Variants in SEMA6D observed in about 807,000 individuals in gnomAD.
SEMA6D encodes the protein semaphorin 6D.
A neutral mutation model predicts 106.6 loss-of-function variants in SEMA6D; 35 were observed. The observed-to-expected ratio is 0.33, with a 90% CI of 0.25 to 0.44. SEMA6D has a LOEUF of 0.44. Ranked by LOEUF, SEMA6D falls within the 20% of genes least tolerant of loss-of-function variation. The pLI, the probability that SEMA6D is intolerant of heterozygous loss-of-function variation, is 1.00. For missense variants in SEMA6D, 1,185 were observed against 1,345.9 expected (o/e 0.88, Z 1.87); for synonymous variants, 499 against 487.7 (o/e 1.02, Z -0.31).
intron 1 of SEMA6D, among the ~76,000 whole-genome samples, chr15:47,312,889 A>G (rs1288849341): frequency 6.6e-6 from 1 of 152,192 alleles, no homozygotes; most frequent in African/African-American, 2.4e-5. Context: ...TCACATTTCA[A>G]GTACTCAGTT....
chr15:47,539,978 A>G (rs1821554094), intron 3 of SEMA6D, among the ~76,000 whole-genome samples: 1 of 152,140 alleles, frequency 6.6e-6, no homozygotes, highest in African/African-American at 2.4e-5. Flanking sequence ...TGCACTTTGA[A>G]GAGTCTGGAA....
chr15:47,613,693 T>A (rs923926455), intron 4 of SEMA6D, among the ~76,000 whole-genome samples: 2 of 152,078 alleles, frequency 1.3e-5, no homozygotes, highest in Non-Finnish European at 2.9e-5. Context: ...TCACCCAGGC[T>A]GGAGTGCTGG....
At chr15:47,671,863 G>T (rs534598768) in intron 4 of SEMA6D, among the ~76,000 whole-genome samples, 69 of 152,264 alleles carry the variant, frequency 4.5e-4, no homozygotes, top group African/African-American at 1.6e-3. Flanking sequence ...AGAATAGGAA[G>T]TAAGGACATT....
chr15:47,620,390 A>G (rs1374339565), intron 4 of SEMA6D, among the ~76,000 whole-genome samples: 4 of 152,224 alleles, frequency 2.6e-5, no homozygotes, highest in Non-Finnish European at 5.9e-5. Context: ...CTGCTTCAGC[A>G]TGTCAGCACT....
intron 1 of SEMA6D, among the ~76,000 whole-genome samples, chr15:47,353,867 CTT>C (rs2038429550): frequency 6.6e-6 from 1 of 152,000 alleles, no homozygotes; most frequent in Non-Finnish European, 1.5e-5. Flanking sequence ...CATGCAGAAT[CTT>C]TTCCTTTTTT....
intron 2 of SEMA6D, among the ~76,000 whole-genome samples, chr15:47,457,103 T>C (rs1596044265): frequency 1.3e-5 from 2 of 151,974 alleles, no homozygotes; most frequent in African/African-American, 4.8e-5. Context: ...GGCAATATAC[T>C]TGGAACTGTA....
intron 4 of SEMA6D, among the ~76,000 whole-genome samples, chr15:47,708,685 CCT>C (rs2078959996): frequency 6.6e-6 from 1 of 152,138 alleles, no homozygotes; most frequent in African/African-American, 2.4e-5. Flanking sequence ...GACCTAGTTC[CCT>C]CTCTCAGGGA....
intron 1 of SEMA6D, among the ~76,000 whole-genome samples, chr15:47,222,468 G>T (rs2141386645): frequency 6.6e-6 from 1 of 152,156 alleles, no homozygotes; most frequent in Non-Finnish European, 1.5e-5. Context: ...GGATAAAATT[G>T]TCTCCCAGTG....
At chr15:47,618,497 C>T (rs1462765565) in intron 4 of SEMA6D, among the ~76,000 whole-genome samples, 1 of 152,234 alleles carries the variant, frequency 6.6e-6, no homozygotes, top group Admixed American at 6.5e-5. Flanking sequence ...TTGCATTGTC[C>T]ACTGGACACT....
At chr15:47,426,581 A>G (rs1401699636) in intron 2 of SEMA6D, among the ~76,000 whole-genome samples, 1 of 152,146 alleles carries the variant, frequency 6.6e-6, no homozygotes, top group Non-Finnish European at 1.5e-5. Flanking sequence ...CTAGTTTAAA[A>G]GCACAGGAAT....
chr15:47,497,087 A>G (rs2043689846), intron 3 of SEMA6D, among the ~76,000 whole-genome samples: 1 of 151,868 alleles, frequency 6.6e-6, no homozygotes, highest in Non-Finnish European at 1.5e-5. Flanking sequence ...CAATCCTATA[A>G]TTTTCTGTGT....
At chr15:47,420,127 A>C (rs2140393759) in intron 2 of SEMA6D, among the ~76,000 whole-genome samples, 1 of 152,234 alleles carries the variant, frequency 6.6e-6, no homozygotes, top group Admixed American at 6.5e-5. Flanking sequence ...TACCCTCTTA[A>C]GTTGAGCCAA....
chr15:47,579,720 A>G (rs2076222976), intron 3 of SEMA6D, among the ~76,000 whole-genome samples: 1 of 152,178 alleles, frequency 6.6e-6, no homozygotes. Flanking sequence ...TAAGACCAAA[A>G]ATAATTATCC....
At chr15:47,594,965 C>T (rs1302143423) in intron 3 of SEMA6D, among the ~76,000 whole-genome samples, 1 of 151,984 alleles carries the variant, frequency 6.6e-6, no homozygotes, top group African/African-American at 2.4e-5. Flanking sequence ...GGCATGGAGG[C>T]TGAAGTGGTG....
intron 1 of SEMA6D, among the ~76,000 whole-genome samples, chr15:47,223,526 G>A (rs934891313): frequency 5.9e-5 from 9 of 151,894 alleles, no homozygotes; most frequent in African/African-American, 1.9e-4. Flanking sequence ...ATTGAAGTCA[G>A]CATTTTGAAC....
intron 4 of SEMA6D, chr15:47,603,537 T>A (rs1322474990): frequency 6.6e-6 from 1 of 152,152 alleles, no homozygotes; most frequent in Non-Finnish European, 1.5e-5. Context: ...CAAAGCTAGC[T>A]GAGTCCAAGT....
intron 4 of SEMA6D, among the ~76,000 whole-genome samples, chr15:47,643,943 A>G (rs181588356): frequency 6.7e-6 from 1 of 150,084 alleles, no homozygotes; most frequent in East Asian, 1.9e-4. Flanking sequence ...AGCAACCACA[A>G]TTCTACTTCT....
At chr15:47,341,599 A>T (rs1355773047) in intron 1 of SEMA6D, among the ~76,000 whole-genome samples, 4 of 152,040 alleles carry the variant, frequency 2.6e-5, no homozygotes, top group Non-Finnish European at 5.9e-5. Flanking sequence ...CTGTCTCTAA[A>T]TTTTTCTGAG....
At chr15:47,755,268 C>T (rs1597013809) in intron 1 of SEMA6D, among the ~76,000 whole-genome samples, 1 of 151,990 alleles carries the variant, frequency 6.6e-6, no homozygotes, top group Admixed American at 6.6e-5. Context: ...TTATTAAATT[C>T]TTTTTTATAG....
Sources: gnomAD v4.1 joint callset for allele counts (sites outside exome capture counted in the v4.1 genomes callset) on GRCh38, gnomAD v4.1.1 for gene constraint, MANE v1.5 for transcripts, NCBI Gene and HGNC (gene_info 2026-07-23, HGNC 2026-07-21) for gene names.